SNRPC: variants seen among roughly 807,000 people sequenced by gnomAD.
SNRPC encodes the protein U1 small nuclear ribonucleoprotein C.
In SNRPC, 5 loss-of-function variants were observed where a neutral mutation model predicts 20.0. The ratio of observed to expected loss-of-function variants is 0.25; its 90% CI spans 0.13 to 0.53. SNRPC has a LOEUF of 0.53. Ranked by LOEUF, SNRPC falls within the 20% of genes least tolerant of loss-of-function variation. The pLI is 0.96. For synonymous variants in SNRPC, 61 were observed against 58.7 expected (o/e 1.04, Z -0.18); for missense variants, 112 against 224.1 (o/e 0.50, Z 3.19).
At chr6:34,761,891 T>A (rs1411555577) in intron 2 of SNRPC, among the ~76,000 whole-genome samples, 3 of 152,086 alleles carry the variant, frequency 2.0e-5, no homozygotes, top group Non-Finnish European at 2.9e-5. Flanking sequence ...TGGCTCACTG[T>A]AGCCTTGATC....
intron 2 of SNRPC, 86 bp from the exon 3 acceptor site, chr6:34,762,509 C>T (rs373448620): frequency 5.8e-5 from 40 of 690,896 alleles, no homozygotes; most frequent in South Asian, 3.4e-4. Flanking sequence ...ATACTAGACA[C>T]GCTACTTATA....
At chr6:34,765,238 G>T (rs888676874) in intron 3 of SNRPC, among the ~76,000 whole-genome samples, 1 of 152,028 alleles carries the variant, frequency 6.6e-6, no homozygotes, top group East Asian at 1.9e-4. Context: ...CTAGATGCCC[G>T]TACCAACCTC....
chr6:34,766,604 T>G (rs1764617394), intron 3 of SNRPC, among the ~76,000 whole-genome samples: 1 of 152,218 alleles, frequency 6.6e-6, no homozygotes, highest in South Asian at 2.1e-4. Context: ...ACCTATGAAA[T>G]CCATGATTAT....
chr6:34,757,811 T>TTTTG (rs557974962), intron 1 of SNRPC, 101 bp from the exon 2 acceptor site: 1 of 1,605,520 alleles, frequency 6.2e-7, no homozygotes. Flanking sequence ...TGGCTTTTTG[T>TTTTG]TTTGTTTGTT....
chr6:34,773,609 C>G lies in SNRPC; in HGVS notation c.*39C>G. 2.5e-6 allele frequency: 4 copies of G among 1,591,286 alleles called. No individual in the cohort carries two copies. Among genetic ancestry groups the G allele is most frequent in the East Asian group, 2.2e-5 (1 of 44,664 alleles). On this transcript the variant is annotated 3_prime_UTR_variant, in exon 6 of 6. Transcript: ENST00000244520. The surrounding 1 kb of genome is among the most constrained non-coding windows in gnomAD (Gnocchi z 4.1). ...GCCTTATTGTATCGGTTTTATATTACCTGTTCTGCTTCACCAGGAGATCAT... is the reference window on the plus strand; with the variant it reads ...GCCTTATTGTATCGGTTTTATATTAGCTGTTCTGCTTCACCAGGAGATCAT...
At chr6:34,759,814 C>T (rs1366647740) in intron 2 of SNRPC, among the ~76,000 whole-genome samples, 4 of 152,212 alleles carry the variant, frequency 2.6e-5, no homozygotes, top group Admixed American at 2.6e-4. Context: ...AGATGTCTGT[C>T]TGTGAACCAT....
intron 4 of SNRPC, among the ~76,000 whole-genome samples, chr6:34,769,822 G>A (rs914295043): frequency 6.6e-6 from 1 of 152,136 alleles, no homozygotes; most frequent in South Asian, 2.1e-4. Context: ...AGATTAATGT[G>A]TTATGGCCTG....
intron 3 of SNRPC, among the ~76,000 whole-genome samples, chr6:34,764,999 C>T (rs551362721): frequency 1.3e-5 from 2 of 152,132 alleles, no homozygotes; most frequent in African/African-American, 4.8e-5. Flanking sequence ...CCAGCCTGGG[C>T]AACAGAGCGA....
chr6:34,768,127 A>T, intron 4 of SNRPC, 130 bp downstream of exon 4: 1 of 637,990 alleles, frequency 1.6e-6, no homozygotes, highest in Non-Finnish European at 2.5e-6. Flanking sequence ...ATGTATAAAT[A>T]TATAAATGTT....
chr6:34,766,167 C>G (rs1764610855), intron 3 of SNRPC, among the ~76,000 whole-genome samples: 1 of 151,990 alleles, frequency 6.6e-6, no homozygotes, highest in South Asian at 2.1e-4. Context: ...CCATATGCAG[C>G]AAAATAATTT....
intron 2 of SNRPC, among the ~76,000 whole-genome samples, chr6:34,761,479 T>G (rs1764535007): frequency 6.6e-6 from 1 of 151,432 alleles, no homozygotes; most frequent in South Asian, 2.1e-4. Flanking sequence ...CATCATTGTA[T>G]TAATGTAAGC....
intron 3 of SNRPC, among the ~76,000 whole-genome samples, chr6:34,763,834 A>G (rs1245974412): frequency 1.3e-5 from 2 of 150,546 alleles, no homozygotes; most frequent in African/African-American, 2.4e-5. Flanking sequence ...CTCCTGCCTC[A>G]GCCTCCCGAG....
intron 3 of SNRPC, 31 bp from the exon 4 acceptor site, chr6:34,767,877 T>C: frequency 1.2e-6 from 1 of 843,234 alleles, no homozygotes; most frequent in Non-Finnish European, 1.5e-6. Flanking sequence ...TTATTCATCT[T>C]TTTTTTTTTT....
intron 3 of SNRPC, among the ~76,000 whole-genome samples, chr6:34,763,778 G>A (rs1252790408): frequency 6.6e-6 from 1 of 150,620 alleles, no homozygotes; most frequent in Non-Finnish European, 1.5e-5. Flanking sequence ...GTGCAGTGGT[G>A]TGATCTTGGC....
chr6:34,759,019 C>CAAAAAAA (rs755576537), intron 2 of SNRPC, among the ~76,000 whole-genome samples: 45 of 24,512 alleles, frequency 1.8e-3, no homozygotes, highest in African/African-American at 4.0e-3. Context: ...GACTCCGTCT[C>CAAAAAAA]AAAAAAAAAA....
In SNRPC at chr6:34,767,989, C is replaced by T; in HGVS notation, c.242C>T (p.Pro81Leu). The change falls in exon 4 of 6, where the codon CCC (proline) becomes CTC (leucine). Residue 81 changes from proline to leucine, a missense_variant. Coordinates refer to ENST00000244520, the MANE Select transcript of SNRPC (RefSeq NM_003093.3). ...PPAGAMIPPP[P>L]SLPGPPRPGM... is the part of the protein sequence containing the mutation. ...GCAGGGGCGATGATACCACCTCCCC[C>T]CAGCCTTCGTAAGTTTAAACTTTTA... 4 of 1,612,218 alleles carry T rather than the reference C, an allele frequency of 2.5e-6. No homozygotes were observed. Among genetic ancestry groups the T allele is most frequent in the Non-Finnish European group, 3.4e-6 (4 of 1,179,314 alleles).
At position 34,768,009 on chromosome 6, in the gene SNRPC, CTT is replaced by C. The variant is rs775409191; in HGVS notation, c.250+15_250+16del. ...TCCCCCCAGCCTTCGTAAGTTTAAA[CTT>C]TTAATCTTAAGGGGTGTGACGGGGC... is the stretch of plus-strand genomic sequence containing the variant. On this transcript the variant is annotated intron_variant, in intron 4 of 5. Coordinates refer to ENST00000244520, the MANE Select transcript of SNRPC (RefSeq NM_003093.3). The C allele has an allele frequency of 5.6e-6, 9 of 1,605,852 alleles. No homozygotes were observed. Among genetic ancestry groups the C allele is most frequent in the Non-Finnish European group, 7.6e-6 (9 of 1,177,080 alleles).
intron 3 of SNRPC, among the ~76,000 whole-genome samples, chr6:34,766,253 T>C (rs1235018178): frequency 1.3e-5 from 2 of 151,846 alleles, no homozygotes; most frequent in Non-Finnish European, 2.9e-5. Context: ...CAGGCTGGAG[T>C]GCAGTGGCCT....
intron 4 of SNRPC, among the ~76,000 whole-genome samples, chr6:34,769,521 C>A (rs1222584090): frequency 1.3e-5 from 2 of 151,936 alleles, no homozygotes; most frequent in African/African-American, 4.8e-5. Flanking sequence ...TTAAGTTGTT[C>A]CAAATTTTAG....
Sources: allele counts gnomAD v4.1 joint callset (sites outside exome capture counted in the v4.1 genomes callset), GRCh38; gene constraint gnomAD v4.1.1; non-coding constraint Gnocchi (gnomAD v3.1); transcripts MANE v1.5; gene names NCBI Gene and HGNC (gene_info 2026-07-23, HGNC 2026-07-21).